Variants in NRG1 observed in about 807,000 individuals in gnomAD.
The protein encoded by NRG1 is neuregulin 1, also known as pro-neuregulin-1, membrane-bound isoform.
In NRG1, 18 loss-of-function variants were observed where a neutral mutation model predicts 63.8. That is an observed-to-expected ratio of 0.28 (90% CI 0.19 to 0.42). The LOEUF (loss-of-function observed/expected upper bound fraction) is 0.42. Among genes scored for constraint, NRG1 ranks in the 10% least tolerant of loss-of-function variants. The probability of loss-of-function intolerance (pLI) is 1.00; values close to 1 mark genes in which losing one functional copy is unlikely to be tolerated. For synonymous variants in NRG1, 302 were observed against 301.3 expected (o/e 1.00, Z -0.02); for missense variants, 762 against 814.7 (o/e 0.94, Z 0.79).
chr8:32,124,236 A>G (rs1203137884), intron 1 of NRG1, among the ~76,000 whole-genome samples: 2 of 151,904 alleles, frequency 1.3e-5, no homozygotes, highest in African/African-American at 2.4e-5. Flanking sequence ...CCATGCACCA[A>G]GTTCGAACAA....
intron 1 of NRG1, among the ~76,000 whole-genome samples, chr8:32,445,057 A>T (rs1025741069): frequency 6.6e-6 from 1 of 152,158 alleles, no homozygotes; most frequent in Non-Finnish European, 1.5e-5. Flanking sequence ...ATTGATCATC[A>T]CCTGAGGGCG....
At chr8:31,743,066 C>T (rs1586081679) in intron 1 of NRG1, among the ~76,000 whole-genome samples, 1 of 152,090 alleles carries the variant, frequency 6.6e-6, no homozygotes, top group Middle Eastern at 3.4e-3. Flanking sequence ...AGTCCAGTCC[C>T]ATCACCGTTT....
At chr8:32,110,586 T>C (rs2131442511) in intron 1 of NRG1, among the ~76,000 whole-genome samples, 1 of 152,308 alleles carries the variant, frequency 6.6e-6, no homozygotes, top group African/African-American at 2.4e-5. Context: ...AACAAGGCCG[T>C]GCTCTTCTTT....
intron 1 of NRG1, among the ~76,000 whole-genome samples, chr8:32,281,208 C>T (rs1352636743): frequency 4.0e-4 from 8 of 20,150 alleles, no homozygotes; most frequent in Admixed American, 3.4e-3. Flanking sequence ...GACAGAATCT[C>T]GCTCTGTCGC....
At chr8:32,362,646 C>G (rs1807373978) in intron 1 of NRG1, among the ~76,000 whole-genome samples, 2 of 152,168 alleles carry the variant, frequency 1.3e-5, no homozygotes. Flanking sequence ...AGATAAATCT[C>G]AAGCAGAGAT....
intron 1 of NRG1, among the ~76,000 whole-genome samples, chr8:31,648,074 C>G (rs530884489): frequency 3.3e-5 from 5 of 150,692 alleles, no homozygotes; most frequent in Non-Finnish European, 7.4e-5. Context: ...TCCCTTTCCT[C>G]CTTTTCCCCA....
intron 1 of NRG1, among the ~76,000 whole-genome samples, chr8:32,194,667 G>A (rs762141569): frequency 2.6e-5 from 4 of 152,056 alleles, no homozygotes; most frequent in African/African-American, 7.2e-5. Flanking sequence ...CTTCTCTATC[G>A]CTTTGTTTAA....
chr8:32,742,148 C>G lies in NRG1; in HGVS notation c.633-527C>G, dbSNP rs768551841. 16 of 1,215,002 alleles carry G rather than the reference C, an allele frequency of 1.3e-5. No homozygotes were observed. Among genetic ancestry groups the G allele is most frequent in the Middle Eastern group, 1.9e-4 (1 of 5,352 alleles). 75.3% of individuals were successfully genotyped at this position (1,215,002 alleles called of 1,614,324 possible). ...CAATCACTACCACTTGGTGCTTTTA[C>G]AGCTCAGTCGTAACTGATTCATTTT... On this transcript the variant is annotated intron_variant, in intron 6 of 11. Transcript: ENST00000356819. The surrounding 1 kb of genome is among the most constrained non-coding windows in gnomAD (Gnocchi z 4.2).
rs188759089 is a variant in NRG1 at position 32,667,815 on chromosome 8, C to T, written c.502+50930C>T. On this transcript the variant is annotated intron_variant, in intron 5 of 11. Transcript: ENST00000356819. ...TTTCAAACCAGTTAGTTCAAAAATG[C>T]AGTTGCCTCTTTGAATTATTTATAA... Among the ~76,000 whole-genome samples the T allele has an allele frequency of 3.5e-4, 54 of 152,218 alleles. 1 individual carries two copies. The East Asian group carries it at 9.3e-3, about 26-fold the overall frequency.
intron 5 of NRG1, among the ~76,000 whole-genome samples, chr8:32,649,206 A>G (rs1854430307): frequency 7.1e-6 from 1 of 140,588 alleles, no homozygotes; most frequent in African/African-American, 2.7e-5. Context: ...AGTCTGGCAG[A>G]TTGCAGCGGC....
intron 1 of NRG1, among the ~76,000 whole-genome samples, chr8:32,157,788 A>G (rs1310736824): frequency 6.6e-6 from 1 of 151,974 alleles, no homozygotes; most frequent in Non-Finnish European, 1.5e-5. Flanking sequence ...TATAATTGCT[A>G]TAAATTCAAA....
At position 31,830,302 on chromosome 8, in the gene NRG1, TTTCCTTCCTTCCTTCC is replaced by T. The variant is rs375861946; in HGVS notation, c.37+190916_37+190931del. ...TATTTTTGATGCAGTGCTCTTCTTT[TTTCCTTCCTTCCTTCC>T]TTCCTTCCTTCCTTCCTTCCTTCCT... On this transcript the variant is annotated intron_variant, in intron 1 of 10. Coordinates refer to the NRG1 transcript ENST00000519301. Among the ~76,000 whole-genome samples the T allele has an allele frequency of 3.0e-3, 364 of 122,724 alleles. 2 individuals are homozygous for T. The highest frequency in any genetic ancestry group is 9.8e-3 in the African/African-American group (306 of 31,186). 80.5% of individuals were successfully genotyped at this position (122,724 alleles called of 152,430 possible).
intron 1 of NRG1, among the ~76,000 whole-genome samples, chr8:32,112,284 A>C (rs112897855): frequency 0.012 from 1,900 of 152,318 alleles, 9 homozygotes; most frequent in Admixed American, 0.018. Context: ...TTTAATTGCT[A>C]GGAAAATCAG....
chr8:31,978,466 C>T (rs1040249656), intron 1 of NRG1, among the ~76,000 whole-genome samples: 12 of 152,020 alleles, frequency 7.9e-5, no homozygotes, highest in Non-Finnish European at 1.3e-4. Flanking sequence ...TCTTTGGAAC[C>T]TTTATGCCAA....
intron 1 of NRG1, among the ~76,000 whole-genome samples, chr8:32,249,621 G>A (rs1056221691): frequency 2.0e-5 from 3 of 152,108 alleles, no homozygotes; most frequent in Non-Finnish European, 2.9e-5. Flanking sequence ...GAAATCAAGT[G>A]AGTACTAAAA....
chr8:32,480,195 A>G (rs1177556866), intron 1 of NRG1, among the ~76,000 whole-genome samples: 1 of 152,172 alleles, frequency 6.6e-6, no homozygotes, highest in African/African-American at 2.4e-5. Context: ...GTGACAAAGT[A>G]AAATGGCAGA....
intron 5 of NRG1, among the ~76,000 whole-genome samples, chr8:32,625,451 C>T (rs1230252139): frequency 6.6e-6 from 1 of 152,190 alleles, no homozygotes; most frequent in Non-Finnish European, 1.5e-5. Flanking sequence ...CTAGCACTAC[C>T]TCTTGAGTGA....
chr8:32,725,829 A>C (rs1350768910), intron 5 of NRG1, among the ~76,000 whole-genome samples: 2 of 152,000 alleles, frequency 1.3e-5, no homozygotes, highest in African/African-American at 4.8e-5. Flanking sequence ...AATACATAGC[A>C]CCTAAATAAG....
intron 1 of NRG1, among the ~76,000 whole-genome samples, chr8:32,388,863 G>A (rs1037673967): frequency 6.6e-6 from 1 of 152,034 alleles, no homozygotes; most frequent in Non-Finnish European, 1.5e-5. Flanking sequence ...AAGAAAAGAA[G>A]GAACGTTCCA....
Sources: gnomAD v4.1 joint callset for allele counts (sites outside exome capture counted in the v4.1 genomes callset) on GRCh38, gnomAD v4.1.1 for gene constraint, Gnocchi (gnomAD v3.1) non-coding constraint, MANE v1.5 for transcripts, NCBI Gene and HGNC (gene_info 2026-07-23, HGNC 2026-07-21) for gene names.